The following RBFOX1 variants were observed in gnomAD, a reference collection of about 807,000 sequenced individuals.
RBFOX1 encodes RNA binding protein fox-1 homolog 1.
A neutral mutation model predicts 57.7 loss-of-function variants in RBFOX1; 8 were observed. The ratio of observed to expected loss-of-function variants is 0.14; its 90% CI spans 0.08 to 0.25. The LOEUF (loss-of-function observed/expected upper bound fraction) is 0.25. RBFOX1 is among the 10% of genes least tolerant of loss of function. The pLI is 1.00. For synonymous variants in RBFOX1, 326 were observed against 222.4 expected, an observed-to-expected ratio of 1.47 and a Z score of -4.15; for missense variants, 611 against 548.5, an observed-to-expected ratio of 1.11 and a Z score of -1.14.
intron 6 of RBFOX1, among the ~76,000 whole-genome samples, chr16:7,586,094 G>A (rs759524841): frequency 6.6e-6 from 1 of 152,198 alleles, no homozygotes; most frequent in Admixed American, 6.5e-5. Context: ...AAAGAGGATG[G>A]AAATATTTAT....
intron 4 of RBFOX1, among the ~76,000 whole-genome samples, chr16:7,456,317 G>C (rs752356635): frequency 2.6e-5 from 4 of 152,200 alleles, no homozygotes; most frequent in East Asian, 1.9e-4. Flanking sequence ...TTCAAGCTGT[G>C]TGTGGATTCT....
intron 1 of RBFOX1, among the ~76,000 whole-genome samples, chr16:6,137,750 T>G (rs1481607816): frequency 6.6e-6 from 1 of 151,504 alleles, no homozygotes; most frequent in Non-Finnish European, 1.5e-5. Context: ...AGTAGTTGGA[T>G]GTATGCACCA....
At chr16:7,674,536 C>A (rs1001939271) in intron 13 of RBFOX1, among the ~76,000 whole-genome samples, 1 of 152,126 alleles carries the variant, frequency 6.6e-6, no homozygotes, top group Non-Finnish European at 1.5e-5. Flanking sequence ...TGATCTTAAC[C>A]CTGGAATCAG....
intron 9 of RBFOX1, among the ~76,000 whole-genome samples, chr16:7,597,919 G>C (rs1238696129): frequency 2.0e-5 from 3 of 152,150 alleles, no homozygotes; most frequent in African/African-American, 7.2e-5. Flanking sequence ...AGCAGAATGT[G>C]TGAGTGGGTT....
At chr16:6,509,474 C>G (rs762130770) in intron 2 of RBFOX1, among the ~76,000 whole-genome samples, 2 of 151,922 alleles carry the variant, frequency 1.3e-5, no homozygotes, top group Non-Finnish European at 2.9e-5. Context: ...TTTGTGGGAG[C>G]TAACACTTAA....
At chr16:5,601,891 T>A (rs772940914), downstream of RBFOX1, among the ~76,000 whole-genome samples, 2 of 152,222 alleles carry the variant, frequency 1.3e-5, no homozygotes, top group Non-Finnish European at 2.9e-5. Context: ...TTTAGCTCTC[T>A]TGGGTTGGGT....
At chr16:5,816,068 G>A (rs185289651) in intron 3 of RBFOX1, among the ~76,000 whole-genome samples, 1 of 152,204 alleles carries the variant, frequency 6.6e-6, no homozygotes, top group African/African-American at 2.4e-5. Context: ...AAGGTCATGT[G>A]AGCCTCCAGT....
At chr16:7,550,061 C>G (rs2085861115) in intron 5 of RBFOX1, among the ~76,000 whole-genome samples, 2 of 152,244 alleles carry the variant, frequency 1.3e-5, no homozygotes, top group South Asian at 4.1e-4. Context: ...TCCCTAGTAG[C>G]TGGGAACACA....
At chr16:7,067,092 A>G (rs1330025177) in intron 4 of RBFOX1, among the ~76,000 whole-genome samples, 2 of 152,202 alleles carry the variant, frequency 1.3e-5, no homozygotes, top group Admixed American at 6.5e-5. Flanking sequence ...TATACCAGGC[A>G]TATCTGAAGG....
At chr16:7,067,864 C>A (rs1004423076) in intron 4 of RBFOX1, among the ~76,000 whole-genome samples, 1 of 151,652 alleles carries the variant, frequency 6.6e-6, no homozygotes, top group African/African-American at 2.4e-5. Flanking sequence ...AGGACATGAA[C>A]TCATCATTTT....
chr16:5,908,079 TATATATACAC>T (rs914911980), intron 4 of RBFOX1, among the ~76,000 whole-genome samples: 12 of 144,816 alleles, frequency 8.3e-5, no homozygotes, highest in East Asian at 3.9e-4. Context: ...TGTATATATA[TATATATACAC>T]ATATATACAC....
intron 4 of RBFOX1, among the ~76,000 whole-genome samples, chr16:7,100,470 C>G (rs2062485569): frequency 6.6e-6 from 1 of 151,444 alleles, no homozygotes; most frequent in Non-Finnish European, 1.5e-5. Context: ...TCCTCCAAAA[C>G]AGAATCATAC....
rs528371037 is a variant in RBFOX1 at position 5,647,631 on chromosome 16, G to A, written c.318+48670G>A. 7.2e-5 allele frequency among the ~76,000 whole-genome samples: 11 copies of A among 152,220 alleles called. No individual in the cohort carries two copies. In the East Asian group the frequency reaches 1.9e-3, roughly 27 times the overall value. ...GGAAAGGAGAAAAAGAACAAGAAAAGAGTAGACCTCAGTAAGTCAGTACCT... is the reference window on the plus strand; with the variant it reads ...GGAAAGGAGAAAAAGAACAAGAAAAAAGTAGACCTCAGTAAGTCAGTACCT... On this transcript the variant is annotated intron_variant, in intron 3 of 19. Coordinates refer to the RBFOX1 transcript ENST00000641259.
At chr16:7,569,637 A>G (rs1358295531) in intron 5 of RBFOX1, among the ~76,000 whole-genome samples, 1 of 152,186 alleles carries the variant, frequency 6.6e-6, no homozygotes, top group African/African-American at 2.4e-5. Context: ...TAGAACCTTA[A>G]CATCTTTAAG....
At chr16:6,523,712 T>C (rs1226807151) in intron 2 of RBFOX1, among the ~76,000 whole-genome samples, 2 of 152,192 alleles carry the variant, frequency 1.3e-5, no homozygotes, top group Non-Finnish European at 2.9e-5. Flanking sequence ...TTCAAAATTA[T>C]ACATTCATCA....
chr16:6,458,036 T>A lies in RBFOX1; in HGVS notation c.-64+140979T>A, dbSNP rs371038715. ...GAAAAAAAAAAGAATCTCTTTGATG[T>A]AATTTCTTTGTAGCATGTTTTTAAA... On this transcript the variant is annotated intron_variant, in intron 2 of 15. Coordinates refer to ENST00000550418, the MANE Select transcript of RBFOX1 (RefSeq NM_018723.4). Among the ~76,000 whole-genome samples the A allele has an allele frequency of 3.3e-5, 5 of 152,146 alleles. No homozygotes were observed. In the East Asian group the frequency reaches 9.7e-4, roughly 29 times the overall value.
At chr16:7,072,032 G>A (rs1369662483) in intron 4 of RBFOX1, among the ~76,000 whole-genome samples, 1 of 152,072 alleles carries the variant, frequency 6.6e-6, no homozygotes, top group Non-Finnish European at 1.5e-5. Context: ...AAGTCATAAC[G>A]ATTTCTAAAC....
At chr16:6,028,978 C>A (rs909334408) in intron 1 of RBFOX1, among the ~76,000 whole-genome samples, 4 of 152,180 alleles carry the variant, frequency 2.6e-5, no homozygotes, top group African/African-American at 7.2e-5. Context: ...CCTCTCTGAG[C>A]CTCCATTTAC....
intron 3 of RBFOX1, among the ~76,000 whole-genome samples, chr16:6,872,764 AAAT>A (rs1381665999): frequency 6.6e-6 from 1 of 152,186 alleles, no homozygotes; most frequent in Non-Finnish European, 1.5e-5. Flanking sequence ...AAGTGCAAAA[AAAT>A]AAAATAACTG....
Sources: gnomAD v4.1 joint callset for allele counts (sites outside exome capture counted in the v4.1 genomes callset) on GRCh38, gnomAD v4.1.1 for gene constraint, MANE v1.5 for transcripts, NCBI Gene and HGNC (gene_info 2026-07-23, HGNC 2026-07-21) for gene names.